The following CPQ variants were observed in gnomAD, a reference collection of about 807,000 sequenced individuals.
CPQ encodes Ser-Met dipeptidase.
In CPQ, 37 loss-of-function variants were observed where a neutral mutation model predicts 45.7. That is an observed-to-expected ratio of 0.81 (90% CI 0.62 to 1.07). The LOEUF is 1.07. CPQ is among the 50% of genes least tolerant of loss of function. The pLI is 0.00. For missense variants in CPQ, 537 were observed against 572.9 expected, an observed-to-expected ratio of 0.94 and a Z score of 0.64; for synonymous variants, 186 against 205.8, an observed-to-expected ratio of 0.90 and a Z score of 0.82.
intron 7 of CPQ, among the ~76,000 whole-genome samples, chr8:97,069,949 T>A (rs1810710749): frequency 6.6e-6 from 1 of 152,120 alleles, no homozygotes; most frequent in African/African-American, 2.4e-5. Flanking sequence ...GACAAAAGGA[T>A]CAATTTATAA....
chr8:96,666,187 T>C (rs566790470), intron 1 of CPQ, among the ~76,000 whole-genome samples: 59 of 152,216 alleles, frequency 3.9e-4, no homozygotes, highest in Non-Finnish European at 7.1e-4. Flanking sequence ...CCTGTGGTTA[T>C]AAAGGCAGGA....
intron 5 of CPQ, among the ~76,000 whole-genome samples, chr8:96,978,023 A>C (rs1813819006): frequency 6.6e-6 from 1 of 152,194 alleles, no homozygotes; most frequent in Non-Finnish European, 1.5e-5. Flanking sequence ...TTTTAATTAC[A>C]TGTAAAACTA....
intron 1 of CPQ, among the ~76,000 whole-genome samples, chr8:96,765,703 CTT>C (rs1177680661): frequency 6.6e-6 from 1 of 152,190 alleles, no homozygotes; most frequent in African/African-American, 2.4e-5. Flanking sequence ...CTTACCCACT[CTT>C]TTCCATTTTG....
At chr8:96,681,680 A>G (rs534337328) in intron 1 of CPQ, among the ~76,000 whole-genome samples, 3 of 152,240 alleles carry the variant, frequency 2.0e-5, no homozygotes, top group Admixed American at 6.5e-5. Context: ...CTCCAGACTG[A>G]TAGATCCACT....
intron 3 of CPQ, among the ~76,000 whole-genome samples, chr8:96,852,545 T>C (rs1383163368): frequency 6.6e-6 from 1 of 152,162 alleles, no homozygotes. Flanking sequence ...ACATCCCATC[T>C]CGCCCTCTTC....
intron 1 of CPQ, among the ~76,000 whole-genome samples, chr8:96,719,366 G>A (rs1450100619): frequency 6.6e-6 from 1 of 152,198 alleles, no homozygotes; most frequent in African/African-American, 2.4e-5. Flanking sequence ...GGCAGGGCTG[G>A]CCGGCTGCTC....
chr8:97,007,639 T>G (rs1809406018), intron 5 of CPQ, among the ~76,000 whole-genome samples: 1 of 152,184 alleles, frequency 6.6e-6, no homozygotes. Context: ...AAGTGGATTG[T>G]GATTTCACCC....
intron 1 of CPQ, among the ~76,000 whole-genome samples, chr8:96,728,723 C>T (rs1363087850): frequency 6.6e-6 from 1 of 152,088 alleles, no homozygotes; most frequent in African/African-American, 2.4e-5. Flanking sequence ...TTTTCTGAGT[C>T]AAGCCTGCTG....
At chr8:96,650,340 C>T (rs950379676) in intron 1 of CPQ, among the ~76,000 whole-genome samples, 20 of 152,182 alleles carry the variant, frequency 1.3e-4, no homozygotes, top group Non-Finnish European at 2.2e-4. Flanking sequence ...GGCAGATCAA[C>T]GCAGTGTTCT....
intron 6 of CPQ, among the ~76,000 whole-genome samples, chr8:97,054,791 T>C (rs1810423839): frequency 6.6e-6 from 1 of 152,112 alleles, no homozygotes; most frequent in Non-Finnish European, 1.5e-5. Flanking sequence ...GGCAGGTGAA[T>C]GAAGGATGAA....
chr8:96,858,586 C>T (rs753034994), intron 3 of CPQ, among the ~76,000 whole-genome samples: 2 of 152,114 alleles, frequency 1.3e-5, no homozygotes, highest in Admixed American at 6.6e-5. Context: ...TGCTTCCTGC[C>T]CACCAGTCTC....
At chr8:96,932,406 T>C (rs1812987132) in intron 4 of CPQ, among the ~76,000 whole-genome samples, 2 of 152,232 alleles carry the variant, frequency 1.3e-5, no homozygotes, top group Non-Finnish European at 2.9e-5. Flanking sequence ...GTATGTATCC[T>C]TTTTCAACTT....
At chr8:97,092,293 A>T (rs947545653) in intron 7 of CPQ, 4 of 152,168 alleles carry the variant, frequency 2.6e-5, no homozygotes, top group Non-Finnish European at 5.9e-5. Context: ...TAAAGGCTAT[A>T]AAATGTTCAG....
chr8:96,882,484 T>C (rs191750416), intron 4 of CPQ, among the ~76,000 whole-genome samples: 2 of 152,092 alleles, frequency 1.3e-5, no homozygotes, highest in Admixed American at 1.3e-4. Context: ...GCTTGAAGGG[T>C]TTAGGATTAT....
intron 1 of CPQ, among the ~76,000 whole-genome samples, chr8:96,682,377 C>G (rs1809163893): frequency 1.3e-5 from 2 of 152,244 alleles, no homozygotes; most frequent in Non-Finnish European, 2.9e-5. Context: ...TACAAGCTCT[C>G]TCTCTTGGCC....
chr8:96,685,136 C>CAACAAAAAATCAAAAAACA (rs139480355), intron 1 of CPQ, among the ~76,000 whole-genome samples: 1 of 149,814 alleles, frequency 6.7e-6, no homozygotes, highest in Non-Finnish European at 1.5e-5. Flanking sequence ...AAACAAAAAA[C>CAACAAAAAATCAAAAAACA]AAAAAACAGA....
At chr8:96,764,898 C>T (rs955431133) in intron 1 of CPQ, among the ~76,000 whole-genome samples, 10 of 152,168 alleles carry the variant, frequency 6.6e-5, no homozygotes, top group African/African-American at 2.4e-4. Flanking sequence ...AATTAAATTG[C>T]ATGTTCAGCT....
intron 7 of CPQ, among the ~76,000 whole-genome samples, chr8:97,121,328 CTTGGACAACAGGAAGGTTGTTG>C (rs1811698804): frequency 6.6e-6 from 1 of 152,114 alleles, no homozygotes; most frequent in African/African-American, 2.4e-5. Context: ...AATTTCATAC[CTTGGACAACAGGAAGGTTGTTG>C]TTGGACAACA....
intron 7 of CPQ, among the ~76,000 whole-genome samples, chr8:97,072,763 C>T (rs1429278491): frequency 6.6e-6 from 1 of 152,144 alleles, no homozygotes; most frequent in Non-Finnish European, 1.5e-5. Context: ...CCTTCTCAAA[C>T]CTTCTGCAAT....
Sources: gnomAD v4.1 joint callset for allele counts (sites outside exome capture counted in the v4.1 genomes callset) on GRCh38, gnomAD v4.1.1 for gene constraint, MANE v1.5 for transcripts, NCBI Gene and HGNC (gene_info 2026-07-23, HGNC 2026-07-21) for gene names.